Variants in ZNF423 observed in about 807,000 individuals in gnomAD.
ZNF423 encodes zinc finger protein 423, also known as Ebf-associated zinc finger protein.
A neutral mutation model predicts 95.8 loss-of-function variants in ZNF423; 12 were observed. The ratio of observed to expected loss-of-function variants is 0.13; its 90% confidence interval spans 0.08 to 0.20. The LOEUF is 0.20. Among genes scored for constraint, ZNF423 ranks in the 10% least tolerant of loss-of-function variants. ZNF423 has a pLI of 1.00. For missense variants in ZNF423, 1,316 were observed against 1,737.1 expected, an observed-to-expected ratio of 0.76 and a Z score of 4.31; for synonymous variants, 749 against 711.9, an observed-to-expected ratio of 1.05 and a Z score of -0.83.
chr16:49,620,436 C>A (rs1972030966), intron 5 of ZNF423, among the ~76,000 whole-genome samples: 1 of 152,176 alleles, frequency 6.6e-6, no homozygotes, highest in Non-Finnish European at 1.5e-5. Context: ...GTATTTGCCC[C>A]TGACAGCAGA....
rs2033980621 is a variant in ZNF423 at position 49,768,957 on chromosome 16, G to A, written c.100+20530C>T. On this transcript the variant is annotated intron_variant, in intron 2 of 7. Coordinates refer to ENST00000563137, the MANE Select transcript of ZNF423 (RefSeq NM_001379286.1). ...TTCTCCTAGCACCCTGCATCTCAGT[G>A]AGCACAGCCCCAGCCACCAGCTGCC... 2.6e-5 allele frequency among the ~76,000 whole-genome samples: 4 copies of A among 152,226 alleles called. No individual in the cohort carries two copies. The South Asian group carries it at 8.3e-4, about 32-fold the overall frequency.
At chr16:49,823,083 A>G (rs2034964919) in intron 1 of ZNF423, among the ~76,000 whole-genome samples, 1 of 152,162 alleles carries the variant, frequency 6.6e-6, no homozygotes, top group Non-Finnish European at 1.5e-5. Context: ...CGAGTCGGGG[A>G]CAAGGCCTGT....
chr16:49,659,371 C>T (rs2030074452), intron 3 of ZNF423, among the ~76,000 whole-genome samples: 2 of 152,228 alleles, frequency 1.3e-5, no homozygotes, highest in East Asian at 1.9e-4. Context: ...GAATTGCAGG[C>T]GTGAGCCACT....
intron 5 of ZNF423, among the ~76,000 whole-genome samples, chr16:49,546,354 C>T (rs891427200): frequency 2.6e-5 from 4 of 152,186 alleles, no homozygotes; most frequent in African/African-American, 4.8e-5. Flanking sequence ...AGTACAAACG[C>T]TTTCATTAAG....
At chr16:49,703,888 G>A (rs943379252) in intron 3 of ZNF423, among the ~76,000 whole-genome samples, 4 of 152,176 alleles carry the variant, frequency 2.6e-5, no homozygotes, top group East Asian at 1.9e-4. Context: ...CCCAGTGCCC[G>A]GCACATAAGA....
chr16:49,749,779 C>T (rs2033598010), intron 2 of ZNF423, among the ~76,000 whole-genome samples: 1 of 150,320 alleles, frequency 6.7e-6, no homozygotes, highest in East Asian at 2.0e-4. Flanking sequence ...TGTGAACAGG[C>T]CCCAGTAGTG....
chr16:49,554,908 T>C (rs985720446), intron 5 of ZNF423, among the ~76,000 whole-genome samples: 40 of 152,026 alleles, frequency 2.6e-4, no homozygotes, highest in Non-Finnish European at 8.8e-5. Context: ...TCGACACATG[T>C]AGCTTGAAGA....
chr16:49,715,855 T>C (rs1442313385), intron 3 of ZNF423, among the ~76,000 whole-genome samples: 1 of 150,796 alleles, frequency 6.6e-6, no homozygotes, highest in African/African-American at 2.4e-5. Context: ...CTGGGCAGCA[T>C]AGAGAGACCC....
intron 1 of ZNF423, among the ~76,000 whole-genome samples, chr16:49,802,926 T>A (rs555088100): frequency 1.4e-4 from 22 of 152,300 alleles, no homozygotes; most frequent in African/African-American, 5.3e-4. Flanking sequence ...CTTTTCTAAC[T>A]CAGCAGTACC....
intron 3 of ZNF423, among the ~76,000 whole-genome samples, chr16:49,679,415 G>T (rs1241926589): frequency 6.6e-6 from 1 of 152,222 alleles, no homozygotes; most frequent in Non-Finnish European, 1.5e-5. Flanking sequence ...GTCCTCACAG[G>T]CTCGGAAGTG....
chr16:49,834,466 C>T (rs1416452947), intron 1 of ZNF423, among the ~76,000 whole-genome samples: 1 of 152,184 alleles, frequency 6.6e-6, no homozygotes, highest in Non-Finnish European at 1.5e-5. Flanking sequence ...GGATTTGACC[C>T]CGGCTCCAGC....
In ZNF423 at chr16:49,715,700, G is replaced by A. The variant is rs188127568; in HGVS notation, c.301+15071C>T. ...TTCAAGGCTCCAGTGAGCAACAATC[G>A]TGCCAGTGCCCTCCAGCCTGGGTGA... is the stretch of plus-strand genomic sequence containing the variant. On this transcript the variant is annotated intron_variant, in intron 3 of 7. Transcript: ENST00000563137. 1.1e-4 allele frequency among the ~76,000 whole-genome samples: 17 copies of A among 150,706 alleles called. No individual in the cohort carries two copies. The East Asian group carries it at 1.4e-3, about 12-fold the overall frequency.
intron 5 of ZNF423, among the ~76,000 whole-genome samples, chr16:49,583,747 C>T (rs907675301): frequency 3.1e-4 from 47 of 152,302 alleles, no homozygotes; most frequent in African/African-American, 1.0e-3. Flanking sequence ...TGCTAATGAA[C>T]AATCAATAAA....
At chr16:49,545,107 C>A (rs1215078535) in intron 5 of ZNF423, among the ~76,000 whole-genome samples, 1 of 152,240 alleles carries the variant, frequency 6.6e-6, no homozygotes, top group Non-Finnish European at 1.5e-5. Context: ...CGAAATGCAA[C>A]TCTTAACCTC....
chr16:49,670,788 AC>A (rs1345565661), intron 3 of ZNF423, among the ~76,000 whole-genome samples: 1 of 152,238 alleles, frequency 6.6e-6, no homozygotes, highest in African/African-American at 2.4e-5. Flanking sequence ...GCTGGGTTTT[AC>A]AACCCAATCG....
chr16:49,817,321 G>A (rs193148584), intron 1 of ZNF423, among the ~76,000 whole-genome samples: 260 of 152,306 alleles, frequency 1.7e-3, no homozygotes, highest in Non-Finnish European at 2.4e-3. Flanking sequence ...CAGAAAAGAT[G>A]CTGCTAAAAT....
At chr16:49,516,003 G>A (rs1968124673) in intron 7 of ZNF423, among the ~76,000 whole-genome samples, 1 of 152,162 alleles carries the variant, frequency 6.6e-6, no homozygotes, top group Non-Finnish European at 1.5e-5. Context: ...TCTGACATTT[G>A]CGGGCTGTCT....
chr16:49,588,379 G>A (rs1567487037), intron 5 of ZNF423, among the ~76,000 whole-genome samples: 1 of 152,198 alleles, frequency 6.6e-6, no homozygotes, highest in Non-Finnish European at 1.5e-5. Context: ...CATACGCTGA[G>A]GCTAAGCCCC....
chr16:49,825,774 G>A (rs1457062735), intron 1 of ZNF423, among the ~76,000 whole-genome samples: 3 of 152,218 alleles, frequency 2.0e-5, no homozygotes, highest in Non-Finnish European at 4.4e-5. Context: ...GAGCGAGGGC[G>A]TGAATGAACG....
Sources: gnomAD v4.1 joint callset for allele counts (sites outside exome capture counted in the v4.1 genomes callset) on GRCh38, gnomAD v4.1.1 for gene constraint, MANE v1.5 for transcripts, NCBI Gene and HGNC (gene_info 2026-07-23, HGNC 2026-07-21) for gene names.